The following ACSL1 variants were observed in gnomAD, a reference collection of about 807,000 sequenced individuals.
ACSL1 encodes the protein long-chain-fatty-acid--CoA ligase 1.
Under a neutral mutation model 98.4 loss-of-function variants are expected in ACSL1, and 41 were observed. That is an observed-to-expected ratio of 0.42 (90% confidence interval 0.32 to 0.54). The LOEUF (loss-of-function observed/expected upper bound fraction) is 0.54. ACSL1 is among the 20% of genes least tolerant of loss of function. The pLI, the probability that ACSL1 is intolerant of heterozygous loss-of-function variation, is 0.13. For missense variants in ACSL1, 734 were observed against 883.1 expected (o/e 0.83, Z 2.14); for synonymous variants, 316 against 322.7 (o/e 0.98, Z 0.22).
chr4:184,781,862 C>T (rs1243830606), intron 4 of ACSL1, among the ~76,000 whole-genome samples: 2 of 152,220 alleles, frequency 1.3e-5, no homozygotes, highest in Non-Finnish European at 2.9e-5. Context: ...CTGCCCCCGT[C>T]GGCCTCCCAA....
At chr4:184,770,211 C>T in intron 11 of ACSL1, 188 bp downstream of exon 11, 1 of 1,497,140 alleles carries the variant, frequency 6.7e-7, no homozygotes, top group East Asian at 2.5e-5. Flanking sequence ...CGGGGCTGAG[C>T]AGAGAATTCT....
intron 1 of ACSL1, among the ~76,000 whole-genome samples, chr4:184,823,422 A>C (rs1773219545): frequency 6.6e-6 from 1 of 152,250 alleles, no homozygotes; most frequent in Non-Finnish European, 1.5e-5. Flanking sequence ...TAAATGGCAA[A>C]CTTACACAAT....
intron 1 of ACSL1, among the ~76,000 whole-genome samples, chr4:184,820,653 G>A (rs1772997493): frequency 6.6e-6 from 1 of 152,046 alleles, no homozygotes; most frequent in South Asian, 2.1e-4. Flanking sequence ...CACCCAGGCT[G>A]GAGTGCTGTG....
Position 184,776,553 on chromosome 4 carries a change from G to T in ACSL1, c.687C>A (p.Ala229=). 1 of 1,614,166 alleles carries T rather than the reference G, an allele frequency of 6.2e-7. No homozygotes were observed. The change falls in exon 7 of 21, where the codon GCC becomes GCA. Residue 229 remains alanine (A), a synonymous_variant. Coordinates refer to ENST00000281455, the MANE Select transcript of ACSL1 (RefSeq NM_001995.5). ...CTCGTTCCACCAGTTCACTGCCGTA[G>T]GCATCCATGACAACTATGATTTTAA... ...PGLKIIVVMD[A]YGSELVERGQ... is the part of the protein sequence containing the mutation.
chr4:184,774,009 T>A, intron 7 of ACSL1, 134 bp from the exon 8 acceptor site: 1 of 935,894 alleles, frequency 1.1e-6, no homozygotes, highest in Non-Finnish European at 1.6e-6. Context: ...CATAATTTTC[T>A]AATTAAAGAA....
At chr4:184,801,855 C>T (rs1219518061) in intron 2 of ACSL1, among the ~76,000 whole-genome samples, 1 of 152,228 alleles carries the variant, frequency 6.6e-6, no homozygotes, top group African/African-American at 2.4e-5. Flanking sequence ...TAAGCTAAAG[C>T]TTTAAAACCA....
At chr4:184,764,009 G>A in intron 15 of ACSL1, among the ~76,000 whole-genome samples, 1 of 152,228 alleles carries the variant, frequency 6.6e-6, no homozygotes, top group East Asian at 1.9e-4. Flanking sequence ...TTAATTCCAG[G>A]ACAATGATGT....
intron 5 of ACSL1, among the ~76,000 whole-genome samples, chr4:184,778,760 C>T (rs773477253): frequency 3.0e-4 from 46 of 152,120 alleles, no homozygotes; most frequent in Non-Finnish European, 6.0e-4. Flanking sequence ...CAGGAAGGAA[C>T]CTATTTCTTA....
At chr4:184,771,327 A>G (rs1223308564) in intron 10 of ACSL1, among the ~76,000 whole-genome samples, 2 of 152,214 alleles carry the variant, frequency 1.3e-5, no homozygotes, top group Non-Finnish European at 2.9e-5. Flanking sequence ...TAAGAAATAC[A>G]GGACCCATTT....
intron 2 of ACSL1, among the ~76,000 whole-genome samples, chr4:184,795,771 T>A (rs962292706): frequency 6.6e-6 from 1 of 152,212 alleles, no homozygotes; most frequent in Non-Finnish European, 1.5e-5. Flanking sequence ...GTAATGTAGA[T>A]TTGTAAGAAA....
At chr4:184,787,026 C>G (rs6855063) in intron 3 of ACSL1, among the ~76,000 whole-genome samples, 115,584 of 152,088 alleles carry the variant, frequency 0.76, 45,433 homozygotes, top group East Asian at 0.99. Context: ...TACATGCAAC[C>G]TATCATGAGG....
rs143693915 is a variant in ACSL1, at chr4:184,757,419, C to T, written c.1957-154G>A. On this transcript the variant is annotated intron_variant, in intron 20 of 20. Coordinates refer to ENST00000281455, the MANE Select transcript of ACSL1 (RefSeq NM_001995.5). The surrounding 1 kb of genome is among the most constrained non-coding windows in gnomAD (Gnocchi z 4.5). ...ACCTTCTCAACAAAGGACAGGCATC[C>T]TATTCTTAGGATAGGATTCGGGATC... Among the ~76,000 whole-genome samples the T allele has an allele frequency of 2.7e-4, 41 of 152,294 alleles. No individual in the cohort carries two copies. The highest frequency in any genetic ancestry group is 9.6e-4 in the African/African-American group (40 of 41,550).
intron 2 of ACSL1, among the ~76,000 whole-genome samples, chr4:184,793,370 C>T (rs1268032031): frequency 2.0e-5 from 3 of 152,098 alleles, no homozygotes; most frequent in Non-Finnish European, 2.9e-5. Context: ...GCAGGAAAAC[C>T]GTGAACATCT....
intron 18 of ACSL1, chr4:184,758,250 G>A: frequency 8.4e-6 from 2 of 237,128 alleles, no homozygotes; most frequent in Non-Finnish European, 8.2e-6. Context: ...ATGGATATCA[G>A]ATAACTGCTT....
At chr4:184,788,468 C>T in intron 3 of ACSL1, 149 bp downstream of exon 3, 1 of 714,476 alleles carries the variant, frequency 1.4e-6, no homozygotes, top group Non-Finnish European at 2.5e-6. Context: ...AGCTTTGGGA[C>T]CGACTCTGGG....
In ACSL1 at chr4:184,756,173, A is replaced by T. The variant is rs1484024431; in HGVS notation, c.*952T>A. 2.0e-5 allele frequency: 3 copies of T among 152,542 alleles called. No homozygotes were observed. Among genetic ancestry groups the T allele is most frequent in the African/African-American group, 7.2e-5 (3 of 41,466 alleles). The allele number at this position is 152,542 out of a possible 1,614,324, so 9.4% of individuals were successfully genotyped here. A position where few individuals can be genotyped will look rare whatever the true frequency, so the allele number is the denominator to read the frequency against. On this transcript the variant is annotated 3_prime_UTR_variant, in exon 21 of 21. Coordinates refer to ENST00000281455, the MANE Select transcript of ACSL1 (RefSeq NM_001995.5). ...TGGGGAAAAAGGCAAGTTAATCCCA[A>T]CATGATCTTTTGATATGAAAACCAC...
intron 1 of ACSL1, among the ~76,000 whole-genome samples, chr4:184,804,668 A>G (rs911941677): frequency 2.6e-5 from 4 of 151,658 alleles, no homozygotes; most frequent in Non-Finnish European, 5.9e-5. Context: ...GGGACATATG[A>G]CCTCCCTTCC....
chr4:184,796,488 C>A (rs964275936), intron 2 of ACSL1, among the ~76,000 whole-genome samples: 1 of 152,180 alleles, frequency 6.6e-6, no homozygotes, highest in African/African-American at 2.4e-5. Flanking sequence ...AGCAAAGTTG[C>A]TAGGGGTAGA....
intron 1 of ACSL1, chr4:184,812,235 T>C: frequency 2.0e-6 from 2 of 985,424 alleles, no homozygotes. Context: ...TGTCTTTATA[T>C]GCCCTTGGTT....
Sources: gnomAD v4.1 joint callset for allele counts (sites outside exome capture counted in the v4.1 genomes callset) on GRCh38, gnomAD v4.1.1 for gene constraint, Gnocchi (gnomAD v3.1) non-coding constraint, MANE v1.5 for transcripts, NCBI Gene and HGNC (gene_info 2026-07-23, HGNC 2026-07-21) for gene names.